FBN2: variants seen among roughly 807,000 people sequenced by gnomAD.
FBN2 encodes the protein fibrillin-2.
FBN2 carries 105 observed loss-of-function variants against 355.6 expected under a neutral mutation model. The ratio of observed to expected loss-of-function variants is 0.30; its 90% CI spans 0.25 to 0.35. The LOEUF is 0.35. Among genes scored for constraint, FBN2 ranks in the 10% least tolerant of loss-of-function variants. The pLI, the probability that FBN2 is intolerant of heterozygous loss-of-function variation, is 1.00. For synonymous variants in FBN2, 1,350 were observed against 1,301.2 expected, an observed-to-expected ratio of 1.04 and a Z score of -0.81; for missense variants, 3,280 against 3,758.7, an observed-to-expected ratio of 0.87 and a Z score of 3.33.
intron 11 of FBN2, among the ~76,000 whole-genome samples, chr5:128,387,312 C>T (rs560266132): frequency 1.7e-4 from 26 of 151,956 alleles, no homozygotes; most frequent in Non-Finnish European, 3.2e-4. Context: ...GGTAATGTCT[C>T]CTTTATCATT....
chr5:128,519,325 T>A lies in FBN2; in HGVS notation c.576A>T (p.Gly192=), dbSNP rs1362639884. ...CATAAACACAAGCACAGCGGTTGGG[T>A]CCGATGCAACGTCCACCATTCTGAC... The part of the protein sequence containing the change: ...NGCQNGGRCI[G]PNRCACVYGF... Residue 192 remains glycine, a synonymous_variant, in exon 5 of 65, where the codon GGA becomes GGT. Coordinates refer to ENST00000262464, the MANE Select transcript of FBN2 (RefSeq NM_001999.4). 1 of 1,613,980 alleles carries A rather than the reference T, an allele frequency of 6.2e-7. No homozygotes were observed. Among genetic ancestry groups the A allele is most frequent in the Non-Finnish European group, 8.5e-7 (1 of 1,179,980 alleles).
chr5:128,285,876 T>C (rs773742400), intron 55 of FBN2, among the ~76,000 whole-genome samples: 1 of 152,234 alleles, frequency 6.6e-6, no homozygotes, highest in African/African-American at 2.4e-5. Context: ...TTTTTAAGTA[T>C]TTTAGCCAAT....
chr5:128,523,701 A>G (rs1196243716), intron 4 of FBN2, among the ~76,000 whole-genome samples: 3 of 152,102 alleles, frequency 2.0e-5, no homozygotes, highest in Admixed American at 1.3e-4. Context: ...TATTTCCCGT[A>G]TCTGGAAATG....
At position 128,357,835 on chromosome 5, in the gene FBN2, G is replaced by T. The variant is rs139735846; in HGVS notation, c.2555-440C>A. On this transcript the variant is annotated intron_variant, in intron 19 of 64. Transcript: ENST00000262464. ...AATGCTGCTTTAATTCCAAGCTCTT[G>T]GGTATGAATCAGGAAATAAGGACTG... Among the ~76,000 whole-genome samples the T allele has an allele frequency of 5.4e-3, 815 of 152,190 alleles. 9 individuals carry two copies. Among genetic ancestry groups the T allele is most frequent in the African/African-American group, 0.019 (792 of 41,528 alleles).
chr5:128,341,618 C>T (rs1751022951), intron 25 of FBN2, among the ~76,000 whole-genome samples: 1 of 152,196 alleles, frequency 6.6e-6, no homozygotes, highest in Admixed American at 6.5e-5. Context: ...CCATGCCCTA[C>T]TCAAGGCAAC....
chr5:128,261,841 C>G lies in FBN2; in HGVS notation c.8259G>C (p.Glu2753Asp). ...QYLSLDTEVDEENALSPEACY... is the reference protein window; with the variant it reads ...QYLSLDTEVDDENALSPEACY... ...ATGCTTCTGGGGACAGAGCATTTTC[C>G]TCATCGACCTCTGTATCCAGTGACA... Residue 2753 changes from glutamate (E) to aspartate (D), a missense_variant, in exon 64 of 65, where the codon GAG becomes GAC. Around this residue, in one of 6 missense-constraint regions of FBN2, gnomAD observed 311 missense variants for 319.1 expected, o/e 0.97. Coordinates refer to ENST00000262464, the MANE Select transcript of FBN2 (RefSeq NM_001999.4). The G allele has an allele frequency of 1.2e-6, 2 of 1,614,004 alleles. No individual in the cohort carries two copies. Among genetic ancestry groups the G allele is most frequent in the Non-Finnish European group, 1.7e-6 (2 of 1,179,866 alleles).
At chr5:128,527,662 A>G (rs905223042) in intron 4 of FBN2, among the ~76,000 whole-genome samples, 8 of 152,202 alleles carry the variant, frequency 5.3e-5, no homozygotes, top group African/African-American at 1.9e-4. Flanking sequence ...ACTAGTTACT[A>G]TTCAAGAACA....
chr5:128,270,691 A>T (rs1340004378), intron 62 of FBN2, among the ~76,000 whole-genome samples: 1 of 152,214 alleles, frequency 6.6e-6, no homozygotes, highest in African/African-American at 2.4e-5. Context: ...TAGCAAAAGA[A>T]ACTATCATCA....
intron 5 of FBN2, among the ~76,000 whole-genome samples, chr5:128,493,644 CT>C (rs1231715665): frequency 6.6e-6 from 1 of 152,096 alleles, no homozygotes; most frequent in Non-Finnish European, 1.5e-5. Context: ...TATGTTAGCA[CT>C]TTCAAAAATT....
At chr5:128,302,945 G>A (rs757219305) in intron 46 of FBN2, 28 bp downstream of exon 46, 1 of 1,147,830 alleles carries the variant, frequency 8.7e-7, no homozygotes, top group South Asian at 1.2e-5. Context: ...TGAAATAGAA[G>A]CAATAAAGGA....
At chr5:128,281,638 C>A (rs1293196508) in intron 55 of FBN2, among the ~76,000 whole-genome samples, 1 of 152,086 alleles carries the variant, frequency 6.6e-6, no homozygotes, top group Non-Finnish European at 1.5e-5. Flanking sequence ...ATTATTTCTT[C>A]CACTTTAATT....
chr5:128,439,643 T>C (rs1350588445), intron 7 of FBN2, among the ~76,000 whole-genome samples: 1 of 152,130 alleles, frequency 6.6e-6, no homozygotes, highest in Non-Finnish European at 1.5e-5. Flanking sequence ...TTTCTGTGTG[T>C]TATGAGTTAC....
chr5:128,486,764 C>T (rs1158952989), intron 5 of FBN2, among the ~76,000 whole-genome samples: 1 of 152,066 alleles, frequency 6.6e-6, no homozygotes, highest in African/African-American at 2.4e-5. Context: ...TAATGCCATC[C>T]CTCCCCCATC....
chr5:128,293,943 C>T (rs923367277), intron 48 of FBN2, among the ~76,000 whole-genome samples: 1 of 152,066 alleles, frequency 6.6e-6, no homozygotes, highest in Non-Finnish European at 1.5e-5. Context: ...CCCACTAACT[C>T]GTCATCTAGC....
rs199937209 is a variant in FBN2, at chr5:128,376,862, G to A, written c.1850-9C>T. ...TGTACATTCATCATGATCTGCAGAA[G>A]AGGATTGAGTGACTTTGAACACTGG... On this transcript the variant is annotated splice_polypyrimidine_tract_variant and intron_variant, in intron 13 of 64. Transcript: ENST00000262464. 2.0e-4 allele frequency: 326 copies of A among 1,612,848 alleles called. 1 individual carries two copies. The highest frequency in any genetic ancestry group is 9.9e-4 in the Middle Eastern group (6 of 6,052).
At chr5:128,336,455 G>A (rs1038132873) in intron 27 of FBN2, among the ~76,000 whole-genome samples, 1 of 152,212 alleles carries the variant, frequency 6.6e-6, no homozygotes, top group Non-Finnish European at 1.5e-5. Context: ...TATGGCTAGT[G>A]ACTATCATGT....
chr5:128,467,298 T>C (rs2127087950), intron 5 of FBN2, among the ~76,000 whole-genome samples: 1 of 152,284 alleles, frequency 6.6e-6, no homozygotes, highest in South Asian at 2.1e-4. Flanking sequence ...GAGTTGACCA[T>C]TTCTTATTTG....
chr5:128,349,212 G>T, intron 23 of FBN2, 135 bp downstream of exon 23: 1 of 1,000,854 alleles, frequency 1.0e-6, no homozygotes, highest in Non-Finnish European at 1.6e-6. Context: ...AGCCTCTAGT[G>T]ATTTCCCCCT....
At chr5:128,402,929 T>C (rs1752833399) in intron 8 of FBN2, among the ~76,000 whole-genome samples, 1 of 152,260 alleles carries the variant, frequency 6.6e-6, no homozygotes, top group African/African-American at 2.4e-5. Context: ...CCCAGGTTTA[T>C]TTCTTCCTTT....
Sources: allele counts gnomAD v4.1 joint callset (sites outside exome capture counted in the v4.1 genomes callset), GRCh38; gene constraint gnomAD v4.1.1; regional missense constraint gnomAD v4.1.1; transcripts MANE v1.5; gene names NCBI Gene and HGNC (gene_info 2026-07-23, HGNC 2026-07-21).